CD4: variants seen among roughly 807,000 people sequenced by gnomAD.
CD4 encodes CD4 molecule.
A neutral mutation model predicts 50.5 loss-of-function variants in CD4; 25 were observed. The observed-to-expected ratio is 0.49, with a 90% CI of 0.36 to 0.69. The LOEUF is 0.69. CD4 is among the 30% of genes least tolerant of loss of function. The probability of loss-of-function intolerance (pLI) is 0.00; values close to 1 mark genes in which losing one functional copy is unlikely to be tolerated. For synonymous variants in CD4, 207 were observed against 221.9 expected, an observed-to-expected ratio of 0.93 and a Z score of 0.60; for missense variants, 456 against 548.5, an observed-to-expected ratio of 0.83 and a Z score of 1.68.
intron 3 of CD4, among the ~76,000 whole-genome samples, chr12:6,812,913 T>G (rs1555117232): frequency 6.8e-6 from 1 of 147,070 alleles, no homozygotes; most frequent in African/African-American, 2.6e-5. Flanking sequence ...AGCCTCCCAG[T>G]TTTTTTTTCT....
At chr12:6,819,201 C>G in intron 9 of CD4, 98 bp from the exon 10 acceptor site, 1 of 1,239,472 alleles carries the variant, frequency 8.1e-7, no homozygotes, top group Non-Finnish European at 1.2e-6. Context: ...TGGAAAGCCA[C>G]TGGAGCTGTG....
rs896310594 is a variant in CD4, at chr12:6,818,226, C to T, written c.1157-195C>T. ...CACAGCTTCTCTCTCTCCAGAGTGC[C>T]CTGGATATGGATATGCCCAAACATA... On this transcript the variant is annotated intron_variant, in intron 7 of 9. Coordinates refer to ENST00000011653, the MANE Select transcript of CD4 (RefSeq NM_000616.5). This position sits in a 1 kb window ranked among gnomAD's most constrained non-coding sequence, Gnocchi z 5.0. Among the ~76,000 whole-genome samples, 10 of 152,162 alleles carry T rather than the reference C, an allele frequency of 6.6e-5. No individual in the cohort carries two copies. The highest frequency in any genetic ancestry group is 2.4e-4 in the African/African-American group (10 of 41,422).
Position 6,815,353 on chromosome 12 carries a change from A to G in CD4, c.607+361A>G, listed in dbSNP as rs367823592. On this transcript the variant is annotated intron_variant, in intron 5 of 9. Transcript: ENST00000011653. ...TTGGCAAATCCACTTACTCAGGGAC[A>G]CTAACACCAGTAAGCCAACCCTGAT... Among the ~76,000 whole-genome samples, 28 of 152,298 alleles carry G rather than the reference A, an allele frequency of 1.8e-4. No homozygotes were observed. In the South Asian group the frequency reaches 5.0e-3, roughly 27 times the overall value.
At chr12:6,817,605 C>T (rs945395338) in intron 7 of CD4, among the ~76,000 whole-genome samples, 1 of 151,040 alleles carries the variant, frequency 6.6e-6, no homozygotes, top group African/African-American at 2.5e-5. Flanking sequence ...TCCACCTGAC[C>T]GAGAGCCCCC....
At position 6,792,710 on chromosome 12, in the gene CD4, C is replaced by G. The variant is rs1942197693; in HGVS notation, c.-68+3048C>G. ...GCTTGTCCAGGGTCTGCATTGCTGC[C>G]AAAGGCCAGGAGGACTGTGTACAGA... On this transcript the variant is annotated intron_variant, in intron 1 of 9. Coordinates refer to ENST00000011653, the MANE Select transcript of CD4 (RefSeq NM_000616.5). The surrounding 1 kb of genome is among the most constrained non-coding windows in gnomAD (Gnocchi z 4.1). Among the ~76,000 whole-genome samples the G allele has an allele frequency of 6.6e-6, 1 of 152,188 alleles. No individual in the cohort carries two copies. The highest frequency in any genetic ancestry group is 1.5e-5 in the Non-Finnish European group (1 of 68,038).
At position 6,820,746 on chromosome 12, in the gene CD4, G is replaced by A. The variant is rs28990971; in HGVS notation, c.*1417G>A. 2,099 of 152,138 alleles carry A rather than the reference G, an allele frequency of 0.014. 34 individuals carry two copies. Among genetic ancestry groups the A allele is most frequent in the African/African-American group, 0.041 (1,700 of 41,390 alleles). The allele number at this position is 152,138 out of a possible 1,614,324, so 9.4% of individuals were successfully genotyped here. On this transcript the variant is annotated 3_prime_UTR_variant, in exon 10 of 10. Transcript: ENST00000011653. ...CCCCATTTGCTTACTTTGCATTTGTGCCCACTCTCCACCCCTGCTCCCCTG... is the reference window on the plus strand; with the variant it reads ...CCCCATTTGCTTACTTTGCATTTGTACCCACTCTCCACCCCTGCTCCCCTG...
chr12:6,815,515 C>T (rs1024122376), intron 5 of CD4, among the ~76,000 whole-genome samples: 12 of 152,120 alleles, frequency 7.9e-5, no homozygotes, highest in Admixed American at 6.5e-4. Flanking sequence ...AGTGCATGTA[C>T]GCTGATTGAA....
intron 1 of CD4, among the ~76,000 whole-genome samples, chr12:6,796,684 C>G (rs1942385132): frequency 6.6e-6 from 1 of 152,176 alleles, no homozygotes; most frequent in African/African-American, 2.4e-5. Context: ...CAGGACAAAG[C>G]TCCAGCTCTT....
chr12:6,814,282 C>T lies in CD4; in HGVS notation c.355C>T (p.Gln119Ter), dbSNP rs781979077. Residue 119 changes from glutamine to a stop codon, truncating the protein, a stop_gained, in exon 4 of 10, where the codon CAA becomes TAA. Coordinates refer to ENST00000011653, the MANE Select transcript of CD4 (RefSeq NM_000616.5). LOFTEE classifies it high-confidence loss of function. ...CEVEDQKEEV[Q>*]LLVFGLTANS... ...AGTGGAGGACCAGAAGGAGGAGGTG[C>T]AATTGCTAGTGTTCGGATGTGAGTG... 1 of 1,613,828 alleles carries T rather than the reference C, an allele frequency of 6.2e-7. No individual in the cohort carries two copies. Among genetic ancestry groups the T allele is most frequent in the East Asian group, 2.2e-5 (1 of 44,868 alleles).
At chr12:6,794,079 CTT>C (rs199663637) in intron 1 of CD4, among the ~76,000 whole-genome samples, 3 of 141,980 alleles carry the variant, frequency 2.1e-5, no homozygotes, top group Admixed American at 7.1e-5. Context: ...ATCTATCTAT[CTT>C]TTTTTTTTTT....
intron 1 of CD4, among the ~76,000 whole-genome samples, chr12:6,795,928 A>G (rs1228956084): frequency 6.6e-6 from 1 of 152,132 alleles, no homozygotes; most frequent in East Asian, 1.9e-4. Context: ...GACAGGATGG[A>G]GAGTGGCTGG....
intron 7 of CD4, among the ~76,000 whole-genome samples, chr12:6,817,773 TCCACACTCACAC>T (rs1448193763): frequency 2.2e-5 from 3 of 133,428 alleles, no homozygotes; most frequent in Non-Finnish European, 4.6e-5. Flanking sequence ...TACACACACA[TCCACACTCACAC>T]CCACACTCTC....
intron 3 of CD4, 28 bp downstream of exon 3, chr12:6,800,499 G>A (rs201791637): frequency 8.8e-6 from 14 of 1,595,084 alleles, no homozygotes; most frequent in Non-Finnish European, 1.2e-5. Context: ...CCCATCCAGG[G>A]AGGAAAACAC....
intron 3 of CD4, among the ~76,000 whole-genome samples, chr12:6,804,065 C>T (rs1385302926): frequency 6.6e-6 from 1 of 151,128 alleles, no homozygotes; most frequent in Non-Finnish European, 1.5e-5. Flanking sequence ...GAGCTGAGAT[C>T]GCGCCACTAC....
intron 3 of CD4, among the ~76,000 whole-genome samples, chr12:6,813,219 A>AAT (rs1942989455): frequency 6.9e-6 from 1 of 145,010 alleles, no homozygotes; most frequent in Admixed American, 6.8e-5. Flanking sequence ...AATTAAAAAA[A>AAT]ATTTTTTTTT....
At chr12:6,806,281 C>A (rs951981166) in intron 3 of CD4, among the ~76,000 whole-genome samples, 2 of 151,522 alleles carry the variant, frequency 1.3e-5, no homozygotes, top group African/African-American at 4.8e-5. Flanking sequence ...CGTGTGTGTA[C>A]ACATATATTT....
intron 7 of CD4, among the ~76,000 whole-genome samples, chr12:6,817,780 T>A (rs111440486): frequency 3.1e-5 from 4 of 127,498 alleles, no homozygotes; most frequent in African/African-American, 1.5e-4. Context: ...ACATCCACAC[T>A]CACACCCACA....
At chr12:6,791,139 T>C (rs1942146407) in intron 1 of CD4, among the ~76,000 whole-genome samples, 1 of 152,222 alleles carries the variant, frequency 6.6e-6, no homozygotes, top group Non-Finnish European at 1.5e-5. Context: ...CTCCCACCAC[T>C]GGTGCTAGAC....
intron 1 of CD4, among the ~76,000 whole-genome samples, chr12:6,793,707 T>TG (rs1942259050): frequency 1.4e-5 from 2 of 142,776 alleles, no homozygotes; most frequent in Admixed American, 1.4e-4. Flanking sequence ...TATCTATCTT[T>TG]TTTTTTTTTG....
Sources: allele counts gnomAD v4.1 joint callset (sites outside exome capture counted in the v4.1 genomes callset), GRCh38; gene constraint gnomAD v4.1.1; non-coding constraint Gnocchi (gnomAD v3.1); transcripts MANE v1.5; gene names NCBI Gene and HGNC (gene_info 2026-07-23, HGNC 2026-07-21).